C5orf34: variants seen among roughly 807,000 people sequenced by gnomAD.
C5orf34 encodes uncharacterized protein C5orf34.
A neutral mutation model predicts 78.4 loss-of-function variants in C5orf34; 73 were observed. The ratio of observed to expected loss-of-function variants is 0.93; its 90% CI spans 0.77 to 1.13. The LOEUF is 1.13. Ranked by LOEUF, C5orf34 falls within the 50% of genes most tolerant of loss-of-function variation. C5orf34 has a pLI of 0.00. For synonymous variants in C5orf34, 251 were observed against 246.6 expected, an observed-to-expected ratio of 1.02 and a Z score of -0.17; for missense variants, 730 against 732.7, an observed-to-expected ratio of 1.00 and a Z score of 0.04.
intron 4 of C5orf34, chr5:43,505,530 T>A (rs1266346887): frequency 4.2e-6 from 2 of 481,206 alleles, no homozygotes; most frequent in African/African-American, 4.0e-5. Context: ...CTTAGCACAG[T>A]ATCTAGTGTA....
chr5:43,495,604 A>T (rs561112059), intron 6 of C5orf34: 17 of 1,611,488 alleles, frequency 1.1e-5, no homozygotes, highest in Non-Finnish European at 1.4e-5. Context: ...CTTCTGTTGT[A>T]ATGTTGACTG....
intron 8 of C5orf34, 102 bp from the exon 9 acceptor site, chr5:43,492,992 A>G (rs1745349489): frequency 1.4e-6 from 1 of 707,360 alleles, no homozygotes; most frequent in Non-Finnish European, 2.3e-6. Flanking sequence ...CTTATTCAGA[A>G]GTCAAATATT....
rs1745093061 is a variant in C5orf34, at chr5:43,486,936, A to G, written c.1896T>C (p.Leu632=). Residue 632 remains leucine, a synonymous_variant, in exon 13 of 13, where the codon CTT becomes CTC. Transcript: ENST00000306862. ...TSEILHDIDC[L]LSNSKK ...TTTTTCACTTTTTAGAGTTTGATAG[A>G]AGACAGTCAATATCGTGAAGGATTT... 2 of 1,531,650 alleles carry G rather than the reference A, an allele frequency of 1.3e-6. No individual in the cohort carries two copies. The allele number at this position is 1,531,650 out of a possible 1,614,324, so 94.9% of individuals were successfully genotyped here.
Position 43,502,489 on chromosome 5 carries a change from G to A in C5orf34, c.1035C>T (p.Thr345=), listed in dbSNP as rs1338491481. The A allele has an allele frequency of 1.9e-6, 3 of 1,549,222 alleles. No homozygotes were observed. The highest frequency in any genetic ancestry group is 3.8e-5 in the Admixed American group (2 of 51,960). The part of the protein sequence containing the change: ...VWYKGVTYRL[T]HQNMNSIEIY... ...TCTCTATTGAGTTCATATTTTGATGGGTAAGTCTAAGAAATAGAAATAACC... is the reference window on the plus strand; with the variant it reads ...TCTCTATTGAGTTCATATTTTGATGAGTAAGTCTAAGAAATAGAAATAACC... Residue 345 remains threonine (T), a synonymous_variant, in exon 6 of 13, where the codon ACC becomes ACT. Transcript: ENST00000306862.
At chr5:43,495,734 G>A (rs1485898639) in intron 6 of C5orf34, 27 of 1,581,650 alleles carry the variant, frequency 1.7e-5, no homozygotes, top group Admixed American at 5.0e-5. Flanking sequence ...GGGCTTGTCA[G>A]TTGGATGAGT....
At chr5:43,497,087 C>G (rs1213094287) in intron 6 of C5orf34, among the ~76,000 whole-genome samples, 1 of 152,024 alleles carries the variant, frequency 6.6e-6, no homozygotes, top group Non-Finnish European at 1.5e-5. Flanking sequence ...AATACTGCTA[C>G]AGTTTGTGGA....
At chr5:43,502,691 T>C (rs1225782467) in intron 5 of C5orf34, among the ~76,000 whole-genome samples, 196 bp from the exon 6 acceptor site, 1 of 152,214 alleles carries the variant, frequency 6.6e-6, no homozygotes, top group Non-Finnish European at 1.5e-5. Context: ...ATAAATAGAA[T>C]TGGCTTATGC....
At chr5:43,505,376 C>A (rs1362366149) in intron 4 of C5orf34, among the ~76,000 whole-genome samples, 2 of 152,212 alleles carry the variant, frequency 1.3e-5, no homozygotes, top group African/African-American at 4.8e-5. Flanking sequence ...AGCAGGTGCT[C>A]CCCTGGGCCC....
chr5:43,491,871 G>A (rs1389957194), intron 10 of C5orf34, among the ~76,000 whole-genome samples: 1 of 152,106 alleles, frequency 6.6e-6, no homozygotes, highest in African/African-American at 2.4e-5. Context: ...GGGCATGGTG[G>A]CACATGCCTG....
intron 5 of C5orf34, among the ~76,000 whole-genome samples, 192 bp downstream of exon 5, chr5:43,503,473 C>T (rs776098334): frequency 1.3e-5 from 2 of 152,172 alleles, no homozygotes; most frequent in African/African-American, 2.4e-5. Context: ...GTGAGTGAGT[C>T]ACAGGACCCT....
In C5orf34 at chr5:43,505,856, A is replaced by G. The variant is rs182834840; in HGVS notation, c.824T>C (p.Ile275Thr). The part of the protein sequence containing the change: ...ISNMSKIDAH[I>T]TQSRFLTSDI... ...AGAAGTTAAAAATCTACTCTGAGTTATATGTGCATCAATTTTAGACATATT... is the reference window on the plus strand; with the variant it reads ...AGAAGTTAAAAATCTACTCTGAGTTGTATGTGCATCAATTTTAGACATATT... Residue 275 changes from isoleucine (I) to threonine (T), a missense_variant, in exon 4 of 13, where the codon ATA becomes ACA. Coordinates refer to ENST00000306862, the MANE Select transcript of C5orf34 (RefSeq NM_198566.4). 3 of 1,613,864 alleles carry G rather than the reference A, an allele frequency of 1.9e-6. No individual in the cohort carries two copies. Among genetic ancestry groups the G allele is most frequent in the African/African-American group, 1.3e-5 (1 of 75,050 alleles).
At chr5:43,496,723 A>T (rs940102849) in intron 6 of C5orf34, among the ~76,000 whole-genome samples, 2 of 148,046 alleles carry the variant, frequency 1.4e-5, no homozygotes, top group Non-Finnish European at 3.0e-5. Context: ...AGCCAGGACC[A>T]CAGGCACATG....
chr5:43,494,465 G>A (rs747549953), intron 7 of C5orf34, 45 bp downstream of exon 7: 3 of 1,281,192 alleles, frequency 2.3e-6, no homozygotes, highest in African/African-American at 2.9e-5. Context: ...GTGCCAAGAT[G>A]TTTAGACACA....
intron 7 of C5orf34, 130 bp from the exon 8 acceptor site, chr5:43,493,742 T>C: frequency 9.0e-6 from 5 of 556,640 alleles, no homozygotes; most frequent in Non-Finnish European, 1.6e-5. Flanking sequence ...TTGGGAACTC[T>C]TTTTTTCTCC....
rs1179748149 is a variant in C5orf34 at position 43,514,843 on chromosome 5, A to T, written c.-74T>A. 2 of 152,246 alleles carry T rather than the reference A, an allele frequency of 1.3e-5. No individual in the cohort carries two copies. Among genetic ancestry groups the T allele is most frequent in the Non-Finnish European group, 2.9e-5 (2 of 68,062 alleles). The allele number at this position is 152,246 out of a possible 1,614,324, so 9.4% of individuals were successfully genotyped here. ...CCGAAAAGTTGCGGAAATGAGGCCC[A>T]GCAACGGTCCCTGGCTTTGATTTGC... On this transcript the variant is annotated 5_prime_UTR_variant, in exon 1 of 13. Coordinates refer to ENST00000306862, the MANE Select transcript of C5orf34 (RefSeq NM_198566.4).
intron 6 of C5orf34, among the ~76,000 whole-genome samples, chr5:43,501,972 T>C (rs1262914969): frequency 2.6e-5 from 4 of 152,202 alleles, no homozygotes; most frequent in Non-Finnish European, 5.9e-5. Context: ...TAGTTGTATA[T>C]AAAGATTTAG....
Position 43,506,324 on chromosome 5 carries a change from T to A in C5orf34, c.356A>T (p.Glu119Val). ...AGATGTTATCTTCACAATGCCACTCTCCATATATATCATGGTACCATCTGT... is the reference window on the plus strand; with the variant it reads ...AGATGTTATCTTCACAATGCCACTCACCATATATATCATGGTACCATCTGT... ...LDTDGTMIYMESGIVKITSLD... is the reference protein window; with the variant it reads ...LDTDGTMIYMVSGIVKITSLD... Residue 119 changes from glutamate to valine, a missense_variant, in exon 4 of 13, where the codon GAG (glutamate) becomes GTG (valine). Glu to Val is a moderately radical substitution (Grantham distance 121, BLOSUM62 -2). Coordinates refer to ENST00000306862, the MANE Select transcript of C5orf34 (RefSeq NM_198566.4). The A allele has an allele frequency of 6.2e-7, 1 of 1,614,048 alleles. No individual in the cohort carries two copies. Among genetic ancestry groups the A allele is most frequent in the African/African-American group, 1.3e-5 (1 of 75,058 alleles).
intron 1 of C5orf34, among the ~76,000 whole-genome samples, chr5:43,510,493 G>T (rs190930983): frequency 6.6e-6 from 1 of 152,142 alleles, no homozygotes; most frequent in African/African-American, 2.4e-5. Flanking sequence ...GATGCCTAGC[G>T]GAAGCTGGAC....
chr5:43,508,594 G>T lies in C5orf34; in HGVS notation c.268C>A (p.Pro90Thr). Reference sequence around the variant, plus strand: ...AAAATCACCTTTTTTCTTTCAGAAGGTATGATGGTTTCAGATAAAAAAGGG... The same window carrying T: ...AAAATCACCTTTTTTCTTTCAGAAGTTATGATGGTTTCAGATAAAAAAGGG... ...TCPFLSETII[P>T]SERKKHIFID... is the part of the protein sequence containing the mutation. Residue 90 changes from proline (P) to threonine (T), a missense_variant, in exon 3 of 13, where the codon CCT (proline) becomes ACT (threonine). Transcript: ENST00000306862. The T allele has an allele frequency of 1.9e-6, 3 of 1,603,388 alleles. No individual in the cohort carries two copies. Among genetic ancestry groups the T allele is most frequent in the Non-Finnish European group, 2.6e-6 (3 of 1,171,198 alleles).
Sources: allele counts gnomAD v4.1 joint callset (sites outside exome capture counted in the v4.1 genomes callset), GRCh38; gene constraint gnomAD v4.1.1; transcripts MANE v1.5; gene names NCBI Gene and HGNC (gene_info 2026-07-23, HGNC 2026-07-21).